Variants in NOS1 observed in about 807,000 individuals in gnomAD.
NOS1 encodes NOS type I.
Under a neutral mutation model 164.5 loss-of-function variants are expected in NOS1, and 51 were observed. The observed-to-expected ratio is 0.31, with a 90% confidence interval of 0.25 to 0.39. The LOEUF is 0.39. Ranked by LOEUF, NOS1 falls within the 10% of genes least tolerant of loss-of-function variation. The pLI, the probability that NOS1 is intolerant of heterozygous loss-of-function variation, is 1.00. For synonymous variants in NOS1, 719 were observed against 745.8 expected (o/e 0.96, Z 0.59); for missense variants, 1,362 against 1,885.6 (o/e 0.72, Z 5.14).
At chr12:117,325,888 A>G (rs1326603548) in intron 2 of NOS1, among the ~76,000 whole-genome samples, 3 of 152,204 alleles carry the variant, frequency 2.0e-5, no homozygotes, top group African/African-American at 7.2e-5. Flanking sequence ...ATGTTAAATT[A>G]CAGGCTTTTG....
Position 117,210,075 on chromosome 12 carries a change from T to A in NOS1, c.*5234A>T. 2 of 759,036 alleles carry A rather than the reference T, an allele frequency of 2.6e-6. No individual in the cohort carries two copies. The highest frequency in any genetic ancestry group is 3.2e-6 in the Non-Finnish European group (2 of 623,636). The allele number at this position is 759,036 out of a possible 1,614,324, so 47.0% of individuals were successfully genotyped here. On this transcript the variant is annotated 3_prime_UTR_variant, in exon 29 of 29. Coordinates refer to ENST00000317775, the MANE Select transcript of NOS1 (RefSeq NM_000620.5). ...GTCGCCTCAAACTCCTGGGACCAAG[T>A]GATCCTCCTGCCTCAGCCTCCCAAG...
intron 21 of NOS1, among the ~76,000 whole-genome samples, chr12:117,233,836 G>T (rs1869472332): frequency 6.6e-6 from 1 of 150,974 alleles, no homozygotes; most frequent in Non-Finnish European, 1.5e-5. Context: ...AAAAAAGAGG[G>T]TATGTCTCTC....
intron 2 of NOS1, among the ~76,000 whole-genome samples, chr12:117,328,856 T>A (rs1875391568): frequency 6.6e-6 from 1 of 152,222 alleles, no homozygotes; most frequent in African/African-American, 2.4e-5. Context: ...GGGAACATCA[T>A]AGAGTGCACT....
rs192972875 is a variant in NOS1 at position 117,328,430 on chromosome 12, A to T, written c.725+1915T>A. 1.5e-4 allele frequency among the ~76,000 whole-genome samples: 23 copies of T among 152,206 alleles called. No individual in the cohort carries two copies. The East Asian group carries it at 4.3e-3, about 28-fold the overall frequency. Reference sequence around the variant, plus strand: ...GTGATCTGCTCGTCTCAGCCTCCCAAAGTGCTGGGATTATAGGCGTGAGCC... The same window carrying T: ...GTGATCTGCTCGTCTCAGCCTCCCATAGTGCTGGGATTATAGGCGTGAGCC... On this transcript the variant is annotated intron_variant, in intron 2 of 28. Coordinates refer to ENST00000317775, the MANE Select transcript of NOS1 (RefSeq NM_000620.5).
chr12:117,209,068 C>A lies in NOS1; in HGVS notation c.*6241G>T, dbSNP rs73393697. 1,517 of 985,340 alleles carry A rather than the reference C, an allele frequency of 1.5e-3. 13 individuals are homozygous for A. In the African/African-American group the frequency reaches 0.016, roughly 10 times the overall value. The allele number at this position is 985,340 out of a possible 1,614,324, so 61.0% of individuals were successfully genotyped here. ...ATACTGCCCTCCCCATGCCCCCTCC[C>A]CCGGACACCCTCAAATCCCACTTTG... On this transcript the variant is annotated 3_prime_UTR_variant, in exon 29 of 29. Coordinates refer to ENST00000317775, the MANE Select transcript of NOS1 (RefSeq NM_000620.5).
intron 3 of NOS1, among the ~76,000 whole-genome samples, chr12:117,303,480 T>C (rs1455724462): frequency 6.6e-6 from 1 of 151,996 alleles, no homozygotes; most frequent in Non-Finnish European, 1.5e-5. Flanking sequence ...GGGATTTCGA[T>C]ATAACAGTGA....
rs970787700 is a variant in NOS1 at position 117,214,890 on chromosome 12, T to G, written c.*419A>C. ...ACAGGCACGCACAACCAAAATGTCATCATAAAAAAGGAGAAAGGGGGACTT... is the reference window on the plus strand; with the variant it reads ...ACAGGCACGCACAACCAAAATGTCAGCATAAAAAAGGAGAAAGGGGGACTT... On this transcript the variant is annotated 3_prime_UTR_variant, in exon 29 of 29. Transcript: ENST00000317775. The G allele has an allele frequency of 2.8e-5, 28 of 991,574 alleles. No individual in the cohort carries two copies. In the African/African-American group the frequency reaches 4.8e-4, roughly 17 times the overall value. The allele number at this position is 991,574 out of a possible 1,614,324, so 61.4% of individuals were successfully genotyped here. A position where few individuals can be genotyped will look rare whatever the true frequency, so the allele number is the denominator to read the frequency against.
At chr12:117,297,068 T>C (rs557789727) in intron 3 of NOS1, among the ~76,000 whole-genome samples, 42 of 152,324 alleles carry the variant, frequency 2.8e-4, no homozygotes, top group African/African-American at 9.1e-4. Flanking sequence ...GTCTAAAAAG[T>C]TTCAACACTG....
At chr12:117,299,579 C>T (rs1225036469) in intron 3 of NOS1, among the ~76,000 whole-genome samples, 5 of 143,650 alleles carry the variant, frequency 3.5e-5, no homozygotes, top group Admixed American at 7.6e-5. Context: ...GCGGAGCTTG[C>T]AGTGAGCCGA....
rs1468761009 is a variant in NOS1, at chr12:117,212,808, T to C, written c.*2501A>G. On this transcript the variant is annotated 3_prime_UTR_variant, in exon 29 of 29. Coordinates refer to ENST00000317775, the MANE Select transcript of NOS1 (RefSeq NM_000620.5). ...CCCACCCTTGATCTGAGCCTAACAA[T>C]CTGGACTCCACTCTGGTCCTTGAGA... 2.0e-6 allele frequency: 2 copies of C among 985,272 alleles called. No individual in the cohort carries two copies. Among genetic ancestry groups the C allele is most frequent in the African/African-American group, 3.5e-5 (2 of 57,242 alleles). 61.0% of individuals were successfully genotyped at this position (985,272 alleles called of 1,614,324 possible). A position where few individuals can be genotyped will look rare whatever the true frequency, so the allele number is the denominator to read the frequency against.
intron 1 of NOS1, among the ~76,000 whole-genome samples, chr12:117,353,289 A>G (rs2082858434): frequency 6.6e-6 from 1 of 151,938 alleles, no homozygotes; most frequent in African/African-American, 2.4e-5. Context: ...GCTATTATCT[A>G]TCTATCTGTC....
chr12:117,228,906 C>T (rs1044063434), intron 22 of NOS1, among the ~76,000 whole-genome samples: 7 of 152,198 alleles, frequency 4.6e-5, no homozygotes, highest in South Asian at 2.1e-4. Flanking sequence ...CTCAGCCTCC[C>T]GAGTAGCTGG....
At chr12:117,302,132 T>C in intron 3 of NOS1, 1 of 456,658 alleles carries the variant, frequency 2.2e-6, no homozygotes, top group Non-Finnish European at 4.4e-6. Context: ...AATGAAGCCA[T>C]GGACTTAAAG....
rs1345136551 is a variant in NOS1 at position 117,330,812 on chromosome 12, G to A, written c.258C>T (p.Gly86=). 1.9e-6 allele frequency: 3 copies of A among 1,613,986 alleles called. No individual in the cohort carries two copies. Among genetic ancestry groups the A allele is most frequent in the African/African-American group, 1.3e-5 (1 of 74,922 alleles). ...SYDSALEVLR[G]IASETHVVLI... The stretch of plus-strand genomic sequence containing the variant: ...GGACCACGTGGGTCTCAGAGGCAAT[G>A]CCTCTGAGTACCTCCAGGGCGCTGT... The change falls in exon 2 of 29, where the codon GGC becomes GGT. Residue 86 remains glycine (G), a synonymous_variant. Transcript: ENST00000317775. This position sits in a 1 kb window ranked among gnomAD's most constrained non-coding sequence, Gnocchi z 4.6.
intron 27 of NOS1, among the ~76,000 whole-genome samples, 164 bp downstream of exon 27, chr12:117,219,911 T>C (rs1207562865): frequency 6.6e-6 from 1 of 152,178 alleles, no homozygotes; most frequent in Non-Finnish European, 1.5e-5. Context: ...TTCTCTGTCA[T>C]TGTTTGGGAC....
intron 28 of NOS1, among the ~76,000 whole-genome samples, chr12:117,216,323 C>T (rs921159018): frequency 2.6e-5 from 4 of 151,724 alleles, no homozygotes; most frequent in South Asian, 4.2e-4. Flanking sequence ...GCTGGGACTA[C>T]AGGCACCTGC....
rs562910816 is a variant in NOS1 at position 117,209,393 on chromosome 12, C to A, written c.*5916G>T. The A allele has an allele frequency of 1.2e-5, 12 of 985,420 alleles. No homozygotes were observed. In the Admixed American group the frequency reaches 6.1e-4, roughly 50 times the overall value. The allele number at this position is 985,420 out of a possible 1,614,324, so 61.0% of individuals were successfully genotyped here. ...TACCCAGCCCCAAATGCCAATAGTG[C>A]TAAGGTTGACAGACCCTGCGCTACA... is the stretch of plus-strand genomic sequence containing the variant. On this transcript the variant is annotated 3_prime_UTR_variant, in exon 29 of 29. Coordinates refer to ENST00000317775, the MANE Select transcript of NOS1 (RefSeq NM_000620.5).
Position 117,232,179 on chromosome 12 carries a change from T to G in NOS1, c.3236-48A>C, listed in dbSNP as rs1418808560. 3 of 1,590,212 alleles carry G rather than the reference T, an allele frequency of 1.9e-6. No homozygotes were observed. The Admixed American group carries it at 5.0e-5, about 27-fold the overall frequency. On this transcript the variant is annotated intron_variant, in intron 21 of 28. Coordinates refer to ENST00000317775, the MANE Select transcript of NOS1 (RefSeq NM_000620.5). Reference sequence around the variant, plus strand: ...ACAGGTGGGTGTGGGAGGGCTTGAGTCCAAGTCGGGGGTTCAGGTCTGCTC... The same window carrying G: ...ACAGGTGGGTGTGGGAGGGCTTGAGGCCAAGTCGGGGGTTCAGGTCTGCTC...
At chr12:117,250,219 C>T (rs1306201977) in intron 17 of NOS1, among the ~76,000 whole-genome samples, 1 of 152,078 alleles carries the variant, frequency 6.6e-6, no homozygotes, top group African/African-American at 2.4e-5. Context: ...CAAATCTACA[C>T]TCATATTGTA....
Sources: allele counts gnomAD v4.1 joint callset (sites outside exome capture counted in the v4.1 genomes callset), GRCh38; gene constraint gnomAD v4.1.1; non-coding constraint Gnocchi (gnomAD v3.1); transcripts MANE v1.5; gene names NCBI Gene and HGNC (gene_info 2026-07-23, HGNC 2026-07-21).